The following CSMD3 variants were observed in gnomAD, a reference collection of about 807,000 sequenced individuals.
CSMD3 encodes CUB and sushi domain-containing protein 3.
A neutral mutation model predicts 435.2 loss-of-function variants in CSMD3; 177 were observed. That is an observed-to-expected ratio of 0.41 (90% CI 0.36 to 0.46). CSMD3 has a LOEUF of 0.46. Among genes scored for constraint, CSMD3 ranks in the 20% least tolerant of loss-of-function variants. The pLI, the probability that CSMD3 is intolerant of heterozygous loss-of-function variation, is 0.34. For missense variants in CSMD3, 4,265 were observed against 4,504.6 expected (o/e 0.95, Z 1.52); for synonymous variants, 1,656 against 1,520.5 (o/e 1.09, Z -2.07).
chr8:112,508,370 C>T lies in CSMD3; in HGVS notation c.4757-1541G>A, dbSNP rs151077110. 3.6e-3 allele frequency among the ~76,000 whole-genome samples: 543 copies of T among 152,242 alleles called. 1 individual carries two copies. Among genetic ancestry groups the T allele is most frequent in the African/African-American group, 0.013 (521 of 41,560 alleles). On this transcript the variant is annotated intron_variant, in intron 28 of 70. Transcript: ENST00000297405. Reference sequence around the variant, plus strand: ...TGTCACCCTCTTGTTTATGGCAAGACCAGACACAGACCCTACCAGTTCCGA... The same window carrying T: ...TGTCACCCTCTTGTTTATGGCAAGATCAGACACAGACCCTACCAGTTCCGA...
intron 7 of CSMD3, among the ~76,000 whole-genome samples, chr8:112,974,519 T>C (rs1044563948): frequency 6.6e-6 from 1 of 151,868 alleles, no homozygotes; most frequent in Non-Finnish European, 1.5e-5. Flanking sequence ...TTAAATTTTC[T>C]GGTAATAAGA....
Position 112,870,444 on chromosome 8 carries a change from AT to A in CSMD3, c.1634-11179del, listed in dbSNP as rs555225164. ...CCACCACATCCGGCTAATTTTTTGC[AT>A]TTTTTTTTTTTTAGTAGAGACGGGG... is the stretch of plus-strand genomic sequence containing the variant. On this transcript the variant is annotated intron_variant, in intron 10 of 70. Transcript: ENST00000297405. Among the ~76,000 whole-genome samples the A allele has an allele frequency of 3.3e-3, 464 of 141,836 alleles. 1 individual carries two copies. Among genetic ancestry groups the A allele is most frequent in the Middle Eastern group, 3.6e-3 (1 of 278 alleles). 93.0% of individuals were successfully genotyped at this position (141,836 alleles called of 152,430 possible).
intron 9 of CSMD3, among the ~76,000 whole-genome samples, chr8:112,929,147 T>C (rs2083013536): frequency 6.8e-6 from 1 of 146,742 alleles, no homozygotes; most frequent in Non-Finnish European, 1.5e-5. Context: ...TTGTTTTTTC[T>C]TGTAAATTTG....
chr8:112,273,552 C>T (rs985256516), intron 59 of CSMD3, among the ~76,000 whole-genome samples: 10 of 151,574 alleles, frequency 6.6e-5, no homozygotes, highest in South Asian at 2.1e-4. Flanking sequence ...GGTGAAACCC[C>T]GTCTCTACTA....
chr8:113,340,106 C>T (rs2094107973), intron 1 of CSMD3, among the ~76,000 whole-genome samples: 1 of 151,820 alleles, frequency 6.6e-6, no homozygotes, highest in African/African-American at 2.4e-5. Flanking sequence ...GTTTGTTCCT[C>T]TATTATTTGT....
intron 30 of CSMD3, among the ~76,000 whole-genome samples, chr8:112,500,527 T>C (rs1373762615): frequency 1.3e-5 from 2 of 152,136 alleles, no homozygotes; most frequent in Non-Finnish European, 2.9e-5. Flanking sequence ...TAGTGTAATC[T>C]TGATATCAAA....
At chr8:113,316,191 GTTA>G (rs770116626) in intron 1 of CSMD3, among the ~76,000 whole-genome samples, 23 of 152,094 alleles carry the variant, frequency 1.5e-4, no homozygotes, top group Non-Finnish European at 3.1e-4. Context: ...TCACCCAGAT[GTTA>G]TTATCTTTAT....
At chr8:113,398,799 A>G (rs954634180) in intron 1 of CSMD3, among the ~76,000 whole-genome samples, 23 of 152,030 alleles carry the variant, frequency 1.5e-4, no homozygotes, top group African/African-American at 5.3e-4. Flanking sequence ...TGATTGCTTC[A>G]GCTGGGTCAA....
At chr8:112,568,676 G>A (rs1424462618) in intron 24 of CSMD3, among the ~76,000 whole-genome samples, 2 of 152,078 alleles carry the variant, frequency 1.3e-5, no homozygotes, top group East Asian at 3.9e-4. Context: ...TTTATTTGTT[G>A]GTGGAAGAAG....
intron 10 of CSMD3, among the ~76,000 whole-genome samples, chr8:112,876,290 A>T (rs2081279536): frequency 6.6e-6 from 1 of 152,142 alleles, no homozygotes; most frequent in African/African-American, 2.4e-5. Context: ...AACTATTCCA[A>T]ACAAGAGAAA....
At chr8:112,476,819 T>A (rs1322420215) in intron 31 of CSMD3, among the ~76,000 whole-genome samples, 1 of 152,224 alleles carries the variant, frequency 6.6e-6, no homozygotes, top group Non-Finnish European at 1.5e-5. Context: ...ATGTGATTTA[T>A]CAGCTTCTCT....
chr8:113,393,723 A>G (rs1263295831), intron 1 of CSMD3, among the ~76,000 whole-genome samples: 1 of 152,130 alleles, frequency 6.6e-6, no homozygotes, highest in African/African-American at 2.4e-5. Flanking sequence ...TAACAAAAAT[A>G]GTTTTATTTG....
At chr8:112,707,447 A>G (rs1307389942) in intron 13 of CSMD3, among the ~76,000 whole-genome samples, 1 of 137,724 alleles carries the variant, frequency 7.3e-6, no homozygotes, top group Admixed American at 7.8e-5. Flanking sequence ...ATCTGTGCTG[A>G]GCTAATTATT....
At chr8:112,619,738 A>G (rs1833921398) in intron 22 of CSMD3, among the ~76,000 whole-genome samples, 1 of 152,108 alleles carries the variant, frequency 6.6e-6, no homozygotes, top group African/African-American at 2.4e-5. Context: ...TATTCTCTTA[A>G]ATAATCAATT....
intron 6 of CSMD3, among the ~76,000 whole-genome samples, chr8:113,009,061 T>C (rs1329559792): frequency 6.6e-6 from 1 of 151,754 alleles, no homozygotes; most frequent in Non-Finnish European, 1.5e-5. Context: ...TATTTTTGCC[T>C]ATTTCTTAAA....
chr8:113,328,908 T>C (rs2132755927), intron 1 of CSMD3, among the ~76,000 whole-genome samples: 2 of 151,324 alleles, frequency 1.3e-5, no homozygotes, highest in African/African-American at 4.9e-5. Context: ...GCACAGCTAA[T>C]TTTTGTATTT....
chr8:112,625,964 G>A (rs989406900), intron 22 of CSMD3, among the ~76,000 whole-genome samples: 8 of 151,920 alleles, frequency 5.3e-5, no homozygotes, highest in African/African-American at 1.9e-4. Flanking sequence ...CTTGACTTTG[G>A]ATTTAATTTA....
chr8:112,237,455 A>G lies in CSMD3; in HGVS notation c.10469-107T>C, dbSNP rs1701228371. The stretch of plus-strand genomic sequence containing the variant: ...AATAATGATGTATTGCTAATACACA[A>G]TAATGTTGAATGTGTGTTACAAAAT... On this transcript the variant is annotated intron_variant, in intron 66 of 70. Coordinates refer to ENST00000297405, the MANE Select transcript of CSMD3 (RefSeq NM_198123.2). 5.5e-5 allele frequency: 44 copies of G among 799,872 alleles called. No individual in the cohort carries two copies. In the South Asian group the frequency reaches 5.9e-4, roughly 11 times the overall value. The allele number at this position is 799,872 out of a possible 1,614,324, so 49.5% of individuals were successfully genotyped here. A position where few individuals can be genotyped will look rare whatever the true frequency, so the allele number is the denominator to read the frequency against.
At chr8:113,305,711 C>T (rs1384374244) in intron 2 of CSMD3, among the ~76,000 whole-genome samples, 1 of 152,094 alleles carries the variant, frequency 6.6e-6, no homozygotes, top group South Asian at 2.1e-4. Flanking sequence ...TTTATGTTGA[C>T]CAAAAGTTTT....
Sources: gnomAD v4.1 joint callset for allele counts (sites outside exome capture counted in the v4.1 genomes callset) on GRCh38, gnomAD v4.1.1 for gene constraint, MANE v1.5 for transcripts, NCBI Gene and HGNC (gene_info 2026-07-23, HGNC 2026-07-21) for gene names.